Variants in BMP2K observed in about 807,000 individuals in gnomAD.
The protein encoded by BMP2K is BMP-2-inducible protein kinase.
Under a neutral mutation model 116.0 loss-of-function variants are expected in BMP2K, and 74 were observed. The ratio of observed to expected loss-of-function variants is 0.64; its 90% CI spans 0.53 to 0.77. BMP2K has a LOEUF of 0.77. Among genes scored for constraint, BMP2K ranks in the 30% least tolerant of loss-of-function variants. The probability of loss-of-function intolerance (pLI) is 0.00; values close to 1 mark genes in which losing one functional copy is unlikely to be tolerated. For synonymous variants in BMP2K, 486 were observed against 502.5 expected (o/e 0.97, Z 0.44); for missense variants, 1,365 against 1,403.6 (o/e 0.97, Z 0.44).
chr4:78,822,885 G>A (rs1464705232), intron 1 of BMP2K, among the ~76,000 whole-genome samples: 3 of 152,108 alleles, frequency 2.0e-5, no homozygotes, highest in Non-Finnish European at 4.4e-5. Context: ...AATTTGATAA[G>A]CTATAGATTG....
intron 1 of BMP2K, among the ~76,000 whole-genome samples, chr4:78,787,103 G>T (rs1384495160): frequency 2.0e-5 from 3 of 152,092 alleles, no homozygotes; most frequent in Non-Finnish European, 2.9e-5. Context: ...ATAGTATTGA[G>T]TACCTCTGTA....
At chr4:78,829,402 G>GTTTTTTTTTTTTTTTTTTTTTTTTT (rs79345386) in intron 2 of BMP2K, among the ~76,000 whole-genome samples, 1 of 133,858 alleles carries the variant, frequency 7.5e-6, no homozygotes, top group Non-Finnish European at 1.7e-5. Flanking sequence ...ATAGTTTTTT[G>GTTTTTTTTTTTTTTTTTTTTTTTTT]TTTTTTTTTT....
At chr4:78,825,910 AT>A (rs1214311875) in intron 1 of BMP2K, 126 bp from the exon 2 acceptor site, 3 of 688,632 alleles carry the variant, frequency 4.4e-6, no homozygotes, top group Non-Finnish European at 7.4e-6. Flanking sequence ...CTAGTAGCTT[AT>A]TGCACTTGTT....
chr4:78,779,409 G>A (rs1036635676), intron 1 of BMP2K, among the ~76,000 whole-genome samples: 5 of 152,160 alleles, frequency 3.3e-5, no homozygotes, highest in African/African-American at 1.2e-4. Flanking sequence ...TTAGCACTAC[G>A]CTTAGGGACT....
intron 10 of BMP2K, among the ~76,000 whole-genome samples, 165 bp from the exon 11 acceptor site, chr4:78,870,618 C>T (rs1189457722): frequency 1.3e-5 from 2 of 152,098 alleles, no homozygotes; most frequent in Non-Finnish European, 2.9e-5. Context: ...TCGGTACTTA[C>T]AATTAAAGTA....
At chr4:78,899,301 T>G (rs571748835) in intron 15 of BMP2K, 1 of 152,354 alleles carries the variant, frequency 6.6e-6, no homozygotes, top group East Asian at 1.9e-4. Context: ...GATTAGCAGA[T>G]TTTTGTTTCA....
At chr4:78,789,478 G>A (rs1040221425) in intron 1 of BMP2K, among the ~76,000 whole-genome samples, 3 of 152,156 alleles carry the variant, frequency 2.0e-5, no homozygotes, top group African/African-American at 7.2e-5. Flanking sequence ...GTGGGGACTT[G>A]GAACTGGTTT....
At chr4:78,803,816 T>A (rs1331311207) in intron 1 of BMP2K, among the ~76,000 whole-genome samples, 1 of 152,320 alleles carries the variant, frequency 6.6e-6, no homozygotes, top group South Asian at 2.1e-4. Context: ...GAGCATAATA[T>A]ATGATGATCC....
chr4:78,822,353 G>T (rs1377974436), intron 1 of BMP2K, among the ~76,000 whole-genome samples: 1 of 152,076 alleles, frequency 6.6e-6, no homozygotes, highest in African/African-American at 2.4e-5. Flanking sequence ...CTTGAAAAAA[G>T]TTGGAGGAGG....
chr4:78,893,640 A>G (rs1304720474), intron 15 of BMP2K, among the ~76,000 whole-genome samples: 1 of 152,154 alleles, frequency 6.6e-6, no homozygotes, highest in East Asian at 1.9e-4. Context: ...ATAACTCACT[A>G]TGGCCTCGAA....
At chr4:78,826,644 A>G (rs1363898049) in intron 2 of BMP2K, among the ~76,000 whole-genome samples, 3 of 152,096 alleles carry the variant, frequency 2.0e-5, no homozygotes, top group African/African-American at 7.3e-5. Context: ...TGGTTCTAGG[A>G]CCCACTACGG....
At chr4:78,892,147 G>A (rs902758523) in intron 15 of BMP2K, among the ~76,000 whole-genome samples, 2 of 152,150 alleles carry the variant, frequency 1.3e-5, no homozygotes, top group African/African-American at 4.8e-5. Context: ...TTCTGTAAGA[G>A]TTAGTGTATG....
intron 1 of BMP2K, among the ~76,000 whole-genome samples, chr4:78,786,942 T>G (rs1233894063): frequency 6.6e-6 from 1 of 152,184 alleles, no homozygotes; most frequent in Non-Finnish European, 1.5e-5. Context: ...TTGGTAGAGA[T>G]GGGATCTTGT....
chr4:78,858,961 T>A (rs1731635306), intron 7 of BMP2K, among the ~76,000 whole-genome samples: 1 of 151,912 alleles, frequency 6.6e-6, no homozygotes, highest in African/African-American at 2.4e-5. Flanking sequence ...AGCAATGCTG[T>A]AAGGTTGTTT....
intron 1 of BMP2K, among the ~76,000 whole-genome samples, chr4:78,812,037 G>T (rs1729119169): frequency 6.6e-6 from 1 of 152,006 alleles, no homozygotes; most frequent in African/African-American, 2.4e-5. Flanking sequence ...GGAGTGGCAT[G>T]AACTCGGCTT....
chr4:78,871,548 T>C (rs966676466), intron 11 of BMP2K, among the ~76,000 whole-genome samples: 1 of 152,196 alleles, frequency 6.6e-6, no homozygotes, highest in Non-Finnish European at 1.5e-5. Context: ...GGGGCTTGGT[T>C]AGAAGTCACT....
intron 7 of BMP2K, among the ~76,000 whole-genome samples, chr4:78,856,099 T>C (rs1324554173): frequency 3.3e-5 from 5 of 152,164 alleles, no homozygotes; most frequent in Non-Finnish European, 5.9e-5. Context: ...GAAGTAGCAA[T>C]TAATAAAACA....
Position 78,911,572 on chromosome 4 carries a change from A to C in BMP2K, c.3025A>C (p.Lys1009Gln). 1 of 1,614,050 alleles carries C rather than the reference A, an allele frequency of 6.2e-7. No individual in the cohort carries two copies. Among genetic ancestry groups the C allele is most frequent in the Non-Finnish European group, 8.5e-7 (1 of 1,179,888 alleles). ...GTPTSTKKTL[K>Q]PTYRTPERAR... ...GCCAACTAGCACAAAGAAGACTTTG[A>C]AGCCTACCTATCGCACTCCAGAGAG... The change falls in exon 16 of 16, where the codon AAG becomes CAG. Residue 1009 changes from lysine to glutamine, a missense_variant. Around this residue, in one of 3 missense-constraint regions of BMP2K, gnomAD observed 596 missense variants for 623.2 expected, o/e 0.96. Coordinates refer to ENST00000502613, the MANE Select transcript of BMP2K (RefSeq NM_198892.2).
intron 1 of BMP2K, among the ~76,000 whole-genome samples, chr4:78,825,143 G>A (rs1729808663): frequency 6.6e-6 from 1 of 152,212 alleles, no homozygotes; most frequent in South Asian, 2.1e-4. Flanking sequence ...GGCGGAGGTT[G>A]CGGTGAGCCG....
Sources: gnomAD v4.1 joint callset for allele counts (sites outside exome capture counted in the v4.1 genomes callset) on GRCh38, gnomAD v4.1.1 for gene constraint, gnomAD v4.1.1 regional missense constraint, MANE v1.5 for transcripts, NCBI Gene and HGNC (gene_info 2026-07-23, HGNC 2026-07-21) for gene names.